The following INSC variants were observed in gnomAD, a reference collection of about 807,000 sequenced individuals.
INSC encodes the protein protein inscuteable homolog.
INSC carries 67 observed loss-of-function variants against 58.6 expected under a neutral mutation model. The observed-to-expected ratio is 1.14, with a 90% CI of 0.94 to 1.40. INSC has a LOEUF of 1.40. INSC is among the 40% of genes most tolerant of loss of function. The pLI, the probability that INSC is intolerant of heterozygous loss-of-function variation, is 0.00. For synonymous variants in INSC, 262 were observed against 276.1 expected, an observed-to-expected ratio of 0.95 and a Z score of 0.51; for missense variants, 714 against 692.0, an observed-to-expected ratio of 1.03 and a Z score of -0.36.
intron 9 of INSC, among the ~76,000 whole-genome samples, chr11:15,230,338 G>A (rs1027371131): frequency 1.3e-5 from 2 of 152,022 alleles, no homozygotes; most frequent in Non-Finnish European, 2.9e-5. Context: ...TTACAATAAT[G>A]ATGGAAGGCA....
chr11:15,224,904 C>G (rs978264723), intron 8 of INSC, among the ~76,000 whole-genome samples: 1 of 152,188 alleles, frequency 6.6e-6, no homozygotes, highest in African/African-American at 2.4e-5. Flanking sequence ...TTTCTTGCTG[C>G]CAGATAACCC....
intron 2 of INSC, among the ~76,000 whole-genome samples, chr11:15,160,085 T>C (rs1415507809): frequency 6.6e-6 from 1 of 151,412 alleles, no homozygotes; most frequent in African/African-American, 2.4e-5. Context: ...AGACACAAGA[T>C]CTGCCCTGCA....
Position 15,235,669 on chromosome 11 carries a change from G to A in INSC, c.1237+1G>A. ...GCCTCTGACATCATTCAGGAAAATG[G>A]TATGTCTTTGCAGCATTGTACATGT... On this transcript the variant is annotated splice_donor_variant, in intron 10 of 12. Transcript: ENST00000379556. LOFTEE classifies it high-confidence loss of function. 1 of 1,611,734 alleles carries A rather than the reference G, an allele frequency of 6.2e-7. No homozygotes were observed. Among genetic ancestry groups the A allele is most frequent in the Non-Finnish European group, 8.5e-7 (1 of 1,177,902 alleles).
intron 5 of INSC, chr11:15,188,335 G>A (rs1416748607): frequency 1.0e-6 from 1 of 985,446 alleles, no homozygotes; most frequent in African/African-American, 1.7e-5. Context: ...ACTAGTCCAG[G>A]TGAGGTCCTG....
intron 1 of INSC, among the ~76,000 whole-genome samples, chr11:15,121,564 T>G (rs1433916847): frequency 6.6e-6 from 1 of 152,230 alleles, no homozygotes. Context: ...GTTTCTCCAC[T>G]GCAAAATTAT....
intron 1 of INSC, among the ~76,000 whole-genome samples, chr11:15,136,207 A>G (rs1430236663): frequency 6.6e-6 from 1 of 152,232 alleles, no homozygotes; most frequent in Non-Finnish European, 1.5e-5. Flanking sequence ...TAAGTGTGAA[A>G]TAAAATTATG....
chr11:15,242,637 G>A (rs548604543), intron 12 of INSC, among the ~76,000 whole-genome samples: 2 of 152,256 alleles, frequency 1.3e-5, no homozygotes, highest in South Asian at 2.1e-4. Context: ...GAACTGTGCC[G>A]TGATCCTTGC....
the INSC span, among the ~76,000 whole-genome samples, chr11:15,264,053 A>T: frequency 6.7e-6 from 1 of 148,152 alleles, no homozygotes; most frequent in Non-Finnish European, 1.5e-5. Flanking sequence ...AGGCCCCTTT[A>T]GTTAGATTGG....
chr11:15,170,000 C>T (rs1475158093), intron 2 of INSC, among the ~76,000 whole-genome samples: 1 of 152,142 alleles, frequency 6.6e-6, no homozygotes, highest in African/African-American at 2.4e-5. Context: ...TGTGTGAATC[C>T]TCCAGTCCCT....
intron 1 of INSC, among the ~76,000 whole-genome samples, chr11:15,145,236 A>G (rs550793455): frequency 2.0e-5 from 3 of 152,340 alleles, no homozygotes; most frequent in Non-Finnish European, 2.9e-5. Flanking sequence ...GGAAGTAGGT[A>G]TAATTGAGGA....
At chr11:15,148,058 A>G (rs1564869316) in intron 1 of INSC, among the ~76,000 whole-genome samples, 1 of 152,236 alleles carries the variant, frequency 6.6e-6, no homozygotes, top group Non-Finnish European at 1.5e-5. Flanking sequence ...CCAGGAGCAC[A>G]GCAGGGACAA....
At chr11:15,132,119 G>T (rs1353140187) in intron 1 of INSC, among the ~76,000 whole-genome samples, 1 of 151,746 alleles carries the variant, frequency 6.6e-6, no homozygotes, top group African/African-American at 2.4e-5. Context: ...GGATATTATA[G>T]CATTAATAAT....
intron 2 of INSC, among the ~76,000 whole-genome samples, chr11:15,159,607 C>T (rs1023014338): frequency 1.3e-5 from 2 of 152,206 alleles, no homozygotes; most frequent in African/African-American, 4.8e-5. Context: ...GAACAGAGCA[C>T]AGCCTAAAGC....
intron 8 of INSC, among the ~76,000 whole-genome samples, chr11:15,225,353 A>G (rs933132271): frequency 1.3e-5 from 2 of 152,160 alleles, no homozygotes; most frequent in African/African-American, 4.8e-5. Context: ...CAAGGACCTG[A>G]CCTGTTTTGT....
intron 7 of INSC, among the ~76,000 whole-genome samples, chr11:15,204,918 C>A (rs145881023): frequency 6.6e-6 from 1 of 152,182 alleles, no homozygotes; most frequent in Non-Finnish European, 1.5e-5. Flanking sequence ...CAGCCCCCAG[C>A]GGAGTTGTGG....
chr11:15,136,623 T>C (rs1848251700), intron 1 of INSC, among the ~76,000 whole-genome samples: 2 of 152,224 alleles, frequency 1.3e-5, no homozygotes, highest in African/African-American at 4.8e-5. Flanking sequence ...GAAACTTCTT[T>C]CTTTGCTCAT....
chr11:15,143,395 G>A (rs1480063573), intron 1 of INSC, among the ~76,000 whole-genome samples: 1 of 152,120 alleles, frequency 6.6e-6, no homozygotes, highest in East Asian at 1.9e-4. Context: ...GGTTGTTGGG[G>A]TCAGAGGAAG....
intron 7 of INSC, among the ~76,000 whole-genome samples, chr11:15,218,454 T>C (rs10832376): frequency 0.26 from 39,204 of 151,696 alleles, 6,005 homozygotes; most frequent in East Asian, 0.73. Flanking sequence ...GTGCTGGGGA[T>C]TTTCTTGATT....
chr11:15,179,931 C>T (rs1322826330), intron 5 of INSC, among the ~76,000 whole-genome samples: 1 of 152,174 alleles, frequency 6.6e-6, no homozygotes, highest in Non-Finnish European at 1.5e-5. Flanking sequence ...ATTTTTGTGA[C>T]CACTTTCCTG....
Sources: allele counts gnomAD v4.1 joint callset (sites outside exome capture counted in the v4.1 genomes callset), GRCh38; gene constraint gnomAD v4.1.1; transcripts MANE v1.5; gene names NCBI Gene and HGNC (gene_info 2026-07-23, HGNC 2026-07-21).